The following ZDHHC23 variants were observed in gnomAD, a reference collection of about 807,000 sequenced individuals.
ZDHHC23 encodes the protein palmitoyltransferase ZDHHC23.
ZDHHC23 carries 41 observed loss-of-function variants against 40.2 expected under a neutral mutation model. The ratio of observed to expected loss-of-function variants is 1.02; its 90% CI spans 0.79 to 1.32. ZDHHC23 has a LOEUF of 1.32. Among genes scored for constraint, ZDHHC23 ranks in the 40% most tolerant of loss-of-function variants. The probability of loss-of-function intolerance (pLI) is 0.00; values close to 1 mark genes in which losing one functional copy is unlikely to be tolerated. For synonymous variants in ZDHHC23, 204 were observed against 210.2 expected (o/e 0.97, Z 0.26); for missense variants, 471 against 541.5 (o/e 0.87, Z 1.29).
At chr3:113,968,954 G>C (rs1042172891), downstream of ZDHHC23, among the ~76,000 whole-genome samples, 6 of 152,134 alleles carry the variant, frequency 3.9e-5, no homozygotes, top group African/African-American at 9.7e-5. Context: ...TATGGCACTA[G>C]CATCTGTTTC....
chr3:113,957,170 G>T (rs574467053), intron 4 of ZDHHC23, among the ~76,000 whole-genome samples: 57 of 152,200 alleles, frequency 3.7e-4, no homozygotes, highest in African/African-American at 1.4e-3. Context: ...GAATGCTGGG[G>T]CCCCCCTCTG....
Position 113,960,156 on chromosome 3 carries a change from G to A in ZDHHC23, c.*1526G>A. 2.0e-6 allele frequency: 2 copies of A among 990,592 alleles called. No homozygotes were observed. The highest frequency in any genetic ancestry group is 2.4e-6 in the Non-Finnish European group (2 of 832,936). The allele number at this position is 990,592 out of a possible 1,614,324, so 61.4% of individuals were successfully genotyped here. A position where few individuals can be genotyped will look rare whatever the true frequency, so the allele number is the denominator to read the frequency against. ...TGCTTTAAGCAAGAGATTTATATTT[G>A]TTGAGAGGAAATATTGCTACTTCCT... On this transcript the variant is annotated 3_prime_UTR_variant, in exon 5 of 5. Coordinates refer to ENST00000638807, the MANE Select transcript of ZDHHC23 (RefSeq NM_001320466.2).
the ZDHHC23 span, among the ~76,000 whole-genome samples, chr3:113,973,594 A>G: frequency 7.0e-5 from 9 of 128,012 alleles, no homozygotes; most frequent in Non-Finnish European, 1.2e-4. Flanking sequence ...CTTGGATGGC[A>G]GGTTTTTTTT....
At chr3:113,978,180 C>T in the ZDHHC23 span, 2 of 1,613,882 alleles carry the variant, frequency 1.2e-6, no homozygotes, top group South Asian at 1.1e-5. Context: ...ACTATCAAAA[C>T]CTCACCTGTC....
chr3:113,978,744 C>CTCTT, the ZDHHC23 span: 1 of 1,129,928 alleles, frequency 8.9e-7, no homozygotes, highest in Non-Finnish European at 1.3e-6. Context: ...GGATTGACTA[C>CTCTT]TCTTTTGTTC....
chr3:113,948,558 G>A (rs1938345450), intron 1 of ZDHHC23, 128 bp from the exon 2 acceptor site: 1 of 424,088 alleles, frequency 2.4e-6, no homozygotes, highest in Non-Finnish European at 4.3e-6. Context: ...CCCAGGCTGG[G>A]AAGGGGCGGT....
downstream of ZDHHC23, among the ~76,000 whole-genome samples, chr3:113,966,846 C>T (rs973988189): frequency 1.2e-4 from 19 of 152,146 alleles, no homozygotes; most frequent in Middle Eastern, 3.4e-3. Flanking sequence ...CACCTGTAAT[C>T]CCAGCACTTT....
In ZDHHC23 at chr3:113,953,792, C is replaced by T. The variant is rs1479703917; in HGVS notation, c.254C>T (p.Ala85Val). ...DRLRIPWLRGAKKVNISIIPP... is the reference protein window; with the variant it reads ...DRLRIPWLRGVKKVNISIIPP... ...CTCCGAATTCCTTGGCTTAGGGGAG[C>T]CAAAAAAGTGAACATCAGCATCATC... The change falls in exon 3 of 5, where the codon GCC becomes GTC. Residue 85 changes from alanine to valine, a missense_variant. Physicochemically the swap from Ala to Val is moderately conservative, Grantham distance 64. This residue lies in a region of ZDHHC23 where 42 missense variants were observed against 73.9 expected (regional missense o/e 0.57). Coordinates refer to ENST00000638807, the MANE Select transcript of ZDHHC23 (RefSeq NM_001320466.2). 6.2e-7 allele frequency: 1 copy of T among 1,614,146 alleles called. No homozygotes were observed. Among genetic ancestry groups the T allele is most frequent in the Non-Finnish European group, 8.5e-7 (1 of 1,180,030 alleles).
chr3:113,971,158 T>C, the ZDHHC23 span, among the ~76,000 whole-genome samples: 1 of 152,238 alleles, frequency 6.6e-6, no homozygotes, highest in Non-Finnish European at 1.5e-5. Context: ...TCCACAATGA[T>C]TGAACTAGTT....
chr3:113,963,601 T>C (rs1209992031), downstream of ZDHHC23, among the ~76,000 whole-genome samples: 1 of 122,228 alleles, frequency 8.2e-6, no homozygotes, highest in East Asian at 2.4e-4. Flanking sequence ...AAAAAAAAAG[T>C]TAGCTGGGCA....
chr3:113,959,426 GTTC>G lies in ZDHHC23; in HGVS notation c.*801_*803del, dbSNP rs1389271167. The stretch of plus-strand genomic sequence containing the variant: ...GTGTGGCCATGAGTTTAGGTGATGA[GTTC>G]TTCTATTTATATTTTATAAATTCTG... On this transcript the variant is annotated 3_prime_UTR_variant, in exon 5 of 5. Coordinates refer to ENST00000638807, the MANE Select transcript of ZDHHC23 (RefSeq NM_001320466.2). 1.7e-5 allele frequency: 21 copies of G among 1,227,928 alleles called. No individual in the cohort carries two copies. Among genetic ancestry groups the G allele is most frequent in the African/African-American group, 3.1e-5 (2 of 64,992 alleles). The allele number at this position is 1,227,928 out of a possible 1,614,324, so 76.1% of individuals were successfully genotyped here. A position where few individuals can be genotyped will look rare whatever the true frequency, so the allele number is the denominator to read the frequency against.
At position 113,960,107 on chromosome 3, in the gene ZDHHC23, CG is replaced by C. The variant is rs1939582647; in HGVS notation, c.*1478del. The C allele has an allele frequency of 1.0e-6, 1 of 988,712 alleles. No individual in the cohort carries two copies. Among genetic ancestry groups the C allele is most frequent in the South Asian group, 4.6e-5 (1 of 21,608 alleles). 61.2% of individuals were successfully genotyped at this position (988,712 alleles called of 1,614,324 possible). On this transcript the variant is annotated 3_prime_UTR_variant, in exon 5 of 5. Coordinates refer to ENST00000638807, the MANE Select transcript of ZDHHC23 (RefSeq NM_001320466.2). ...CTTAATATAGGGAAAATATTGCCAG[CG>C]TTTTCAGTCATTCTGTGCATGCTGC...
chr3:113,970,545 T>C, the ZDHHC23 span, among the ~76,000 whole-genome samples: 30 of 152,208 alleles, frequency 2.0e-4, no homozygotes, highest in East Asian at 5.4e-3. Context: ...AAAGTGGGCA[T>C]TTTGGTCCTG....
At position 113,956,345 on chromosome 3, in the gene ZDHHC23, T is replaced by A. The variant is rs1232250007; in HGVS notation, c.879T>A (p.Asn293Lys). The A allele has an allele frequency of 2.5e-6, 4 of 1,613,506 alleles. No homozygotes were observed. Among genetic ancestry groups the A allele is most frequent in the Non-Finnish European group, 3.4e-6 (4 of 1,179,896 alleles). Residue 293 changes from asparagine (N) to lysine (K), a missense_variant, in exon 4 of 5, where the codon AAT (asparagine) becomes AAA (lysine). Transcript: ENST00000638807. ...RRMDHHCVWI[N>K]SCVGESNHQA... ...TTCTCTATGCTGTTTTGAGGATAAA[T>A]AGCTGCGTTGGAGAATCAAATCATC...
intron 2 of ZDHHC23, among the ~76,000 whole-genome samples, chr3:113,951,277 C>G (rs1938634223): frequency 6.6e-6 from 1 of 152,168 alleles, no homozygotes; most frequent in Non-Finnish European, 1.5e-5. Context: ...TGGGGGCTCT[C>G]TGTGGTGGCC....
the ZDHHC23 span, among the ~76,000 whole-genome samples, chr3:113,977,796 C>T: frequency 1.3e-3 from 193 of 152,266 alleles, 3 homozygotes; most frequent in East Asian, 0.034. Flanking sequence ...ATGATTTAAG[C>T]ACTTTTCTAT....
downstream of ZDHHC23, chr3:113,965,377 GA>G (rs753367490): frequency 5.4e-6 from 8 of 1,490,304 alleles, 1 homozygote; most frequent in Admixed American, 1.3e-4. Context: ...AATAAAGAAG[GA>G]AAAAAGTGAA....
At chr3:113,976,171 A>G in the ZDHHC23 span, among the ~76,000 whole-genome samples, 1 of 152,098 alleles carries the variant, frequency 6.6e-6, no homozygotes, top group Non-Finnish European at 1.5e-5. Flanking sequence ...AGGCATGAGA[A>G]TCGCTTGAAC....
At position 113,959,301 on chromosome 3, in the gene ZDHHC23, TCAAA is replaced by T. The variant is rs952605520; in HGVS notation, c.*674_*677del. On this transcript the variant is annotated 3_prime_UTR_variant, in exon 5 of 5. Transcript: ENST00000638807. ...CTCCTTCTTATTAGACATGAACTAC[TCAAA>T]CAGAGAAGATGACCAGATGGATTGA... is the stretch of plus-strand genomic sequence containing the variant. The T allele has an allele frequency of 8.2e-6, 9 of 1,099,136 alleles. No individual in the cohort carries two copies. The highest frequency in any genetic ancestry group is 4.8e-5 in the African/African-American group (3 of 61,926). The allele number at this position is 1,099,136 out of a possible 1,614,324, so 68.1% of individuals were successfully genotyped here. A position where few individuals can be genotyped will look rare whatever the true frequency, so the allele number is the denominator to read the frequency against.
Sources: gnomAD v4.1 joint callset for allele counts (sites outside exome capture counted in the v4.1 genomes callset) on GRCh38, gnomAD v4.1.1 for gene constraint, gnomAD v4.1.1 regional missense constraint, MANE v1.5 for transcripts, NCBI Gene and HGNC (gene_info 2026-07-23, HGNC 2026-07-21) for gene names.